MACROD2: variants seen among roughly 807,000 people sequenced by gnomAD.
The protein encoded by MACROD2 is mono-ADP ribosylhydrolase 2, also known as ADP-ribose glycohydrolase MACROD2.
A neutral mutation model predicts 70.4 loss-of-function variants in MACROD2; 36 were observed. The observed-to-expected ratio is 0.51, with a 90% CI of 0.39 to 0.68. MACROD2 has a LOEUF of 0.68. MACROD2 is among the 30% of genes least tolerant of loss of function. MACROD2 has a pLI of 0.00. For synonymous variants in MACROD2, 172 were observed against 178.8 expected (o/e 0.96, Z 0.30); for missense variants, 496 against 538.4 (o/e 0.92, Z 0.78).
chr20:15,721,114 G>C (rs944794283), intron 8 of MACROD2, among the ~76,000 whole-genome samples: 1 of 152,124 alleles, frequency 6.6e-6, no homozygotes, highest in Non-Finnish European at 1.5e-5. Context: ...CTACACATGG[G>C]TGGGCAGATT....
At chr20:15,587,161 A>T (rs2048613850) in intron 8 of MACROD2, among the ~76,000 whole-genome samples, 1 of 152,172 alleles carries the variant, frequency 6.6e-6, no homozygotes, top group Non-Finnish European at 1.5e-5. Flanking sequence ...CAGGAGATGA[A>T]AGGTACTTCT....
chr20:14,700,313 G>T (rs952476429), intron 5 of MACROD2, among the ~76,000 whole-genome samples: 1 of 150,788 alleles, frequency 6.6e-6, no homozygotes, highest in Admixed American at 6.7e-5. Flanking sequence ...GCAACGTGCC[G>T]TGTAGCATTA....
intron 13 of MACROD2, among the ~76,000 whole-genome samples, chr20:15,980,745 A>C (rs1328564687): frequency 6.6e-6 from 1 of 152,158 alleles, no homozygotes; most frequent in Non-Finnish European, 1.5e-5. Flanking sequence ...AGTAAGGTTA[A>C]ATTTCTTATA....
chr20:14,529,191 T>C (rs1202464215), intron 4 of MACROD2, among the ~76,000 whole-genome samples: 1 of 152,182 alleles, frequency 6.6e-6, no homozygotes, highest in African/African-American at 2.4e-5. Flanking sequence ...TCATGCTAGT[T>C]TTAGGCTTCA....
At chr20:15,548,284 CAT>C (rs2048050999) in intron 8 of MACROD2, among the ~76,000 whole-genome samples, 1 of 152,192 alleles carries the variant, frequency 6.6e-6, no homozygotes, top group African/African-American at 2.4e-5. Flanking sequence ...ACAGTTAAAA[CAT>C]AGTGATTTTA....
rs536305277 is a variant in MACROD2 at position 15,754,289 on chromosome 20, A to G, written c.646-108456A>G. Among the ~76,000 whole-genome samples the G allele has an allele frequency of 4.7e-3, 719 of 152,300 alleles. 4 individuals carry two copies. The highest frequency in any genetic ancestry group is 7.0e-3 in the Non-Finnish European group (479 of 68,022). ...CCAAAAATCACGGTTTCTTTAGGAA[A>G]AAAATAAATCAGCAAAATTGGTTCA... On this transcript the variant is annotated intron_variant, in intron 8 of 17. Transcript: ENST00000684519.
At position 14,682,031 on chromosome 20, in the gene MACROD2, T is replaced by C. The variant is rs190286950; in HGVS notation, c.302-2812T>C. Among the ~76,000 whole-genome samples the C allele has an allele frequency of 6.4e-4, 98 of 152,252 alleles. 1 individual carries two copies. Among genetic ancestry groups the C allele is most frequent in the Non-Finnish European group, 1.4e-3 (94 of 68,010 alleles). On this transcript the variant is annotated intron_variant, in intron 4 of 17. Transcript: ENST00000684519. ...TGCATTTGGTACATTTAAGCTGTAG[T>C]TATTATTATTAAATAGCTCTTCAGC...
chr20:14,600,343 T>TATATATATATATATATATATATATACAC (rs1320891260), intron 4 of MACROD2, among the ~76,000 whole-genome samples: 139 of 130,108 alleles, frequency 1.1e-3, no homozygotes, highest in African/African-American at 4.2e-3. Context: ...TATATATATA[T>TATATATATATATATATATATATATACAC]ACACACACAC....
intron 5 of MACROD2, among the ~76,000 whole-genome samples, chr20:14,805,895 G>T (rs2072633188): frequency 6.6e-6 from 1 of 152,064 alleles, no homozygotes. Context: ...TTCATAGATA[G>T]TCAGATCCTG....
At chr20:15,096,064 A>G (rs777864548) in intron 5 of MACROD2, among the ~76,000 whole-genome samples, 1 of 152,082 alleles carries the variant, frequency 6.6e-6, no homozygotes, top group Non-Finnish European at 1.5e-5. Context: ...CAGGTGGACA[A>G]TTTGGACTTT....
At chr20:14,421,186 G>T (rs975784752) in intron 3 of MACROD2, among the ~76,000 whole-genome samples, 1 of 152,150 alleles carries the variant, frequency 6.6e-6, no homozygotes, top group African/African-American at 2.4e-5. Flanking sequence ...TTTTCTTGTA[G>T]CGTCTTTGGT....
intron 15 of MACROD2, among the ~76,000 whole-genome samples, chr20:16,037,041 TTCTC>T (rs1235335586): frequency 6.6e-6 from 1 of 152,018 alleles, no homozygotes. Flanking sequence ...TTCTGTTTTT[TTCTC>T]TCTGTTTCAT....
At chr20:15,702,784 C>A (rs2050479219) in intron 8 of MACROD2, among the ~76,000 whole-genome samples, 1 of 152,170 alleles carries the variant, frequency 6.6e-6, no homozygotes. Context: ...AAAAACTATT[C>A]TAAAGTTCAT....
intron 8 of MACROD2, among the ~76,000 whole-genome samples, chr20:15,503,921 G>T (rs2146498533): frequency 6.6e-6 from 1 of 152,276 alleles, no homozygotes; most frequent in Non-Finnish European, 1.5e-5. Context: ...TTCTTATTCA[G>T]CTGAGTTTAT....
intron 8 of MACROD2, among the ~76,000 whole-genome samples, chr20:15,524,001 T>C (rs1215470326): frequency 1.3e-5 from 2 of 152,172 alleles, no homozygotes; most frequent in Non-Finnish European, 2.9e-5. Flanking sequence ...ATCAAGGTAG[T>C]AAATGTCCCT....
At chr20:14,702,531 A>G (rs2071208234) in intron 5 of MACROD2, among the ~76,000 whole-genome samples, 1 of 147,302 alleles carries the variant, frequency 6.8e-6, no homozygotes, top group Non-Finnish European at 1.5e-5. Context: ...TTTTTCACTA[A>G]ACATTACATA....
At chr20:14,862,029 T>TA (rs2073329562) in intron 5 of MACROD2, among the ~76,000 whole-genome samples, 1 of 16,966 alleles carries the variant, frequency 5.9e-5, no homozygotes, top group African/African-American at 2.3e-4. Context: ...TTATATATAT[T>TA]TATATATATT....
At chr20:15,341,675 A>G (rs982000163) in intron 6 of MACROD2, among the ~76,000 whole-genome samples, 4 of 152,240 alleles carry the variant, frequency 2.6e-5, no homozygotes, top group Non-Finnish European at 5.9e-5. Context: ...CTGGAAGTCT[A>G]TATTTCAGCT....
intron 5 of MACROD2, among the ~76,000 whole-genome samples, chr20:15,162,670 A>G (rs1023774204): frequency 6.6e-6 from 1 of 151,836 alleles, no homozygotes; most frequent in Admixed American, 6.6e-5. Context: ...TGCTGTGTGG[A>G]GGAAACATGC....
Sources: gnomAD v4.1 joint callset for allele counts (sites outside exome capture counted in the v4.1 genomes callset) on GRCh38, gnomAD v4.1.1 for gene constraint, MANE v1.5 for transcripts, NCBI Gene and HGNC (gene_info 2026-07-23, HGNC 2026-07-21) for gene names.